The following ZNF330 variants were observed in gnomAD, a reference collection of about 807,000 sequenced individuals.
The protein encoded by ZNF330 is nucleolar atypical zinc finger, also known as zinc finger protein 330.
A neutral mutation model predicts 45.5 loss-of-function variants in ZNF330; 31 were observed. That is an observed-to-expected ratio of 0.68 (90% CI 0.51 to 0.92). ZNF330 has a LOEUF of 0.92. Among genes scored for constraint, ZNF330 ranks in the 40% least tolerant of loss-of-function variants. ZNF330 has a pLI of 0.00. For missense variants in ZNF330, 356 were observed against 387.4 expected (o/e 0.92, Z 0.68); for synonymous variants, 138 against 123.2 (o/e 1.12, Z -0.79).
Position 141,234,286 on chromosome 4 carries a change from C to G in ZNF330, c.*297C>G, listed in dbSNP as rs1008630105. The G allele has an allele frequency of 4.0e-6, 1 of 248,120 alleles. No individual in the cohort carries two copies. Among genetic ancestry groups the G allele is most frequent in the Admixed American group, 5.2e-5 (1 of 19,296 alleles). The allele number at this position is 248,120 out of a possible 1,614,324, so 15.4% of individuals were successfully genotyped here. A position where few individuals can be genotyped will look rare whatever the true frequency, so the allele number is the denominator to read the frequency against. On this transcript the variant is annotated 3_prime_UTR_variant, in exon 10 of 10. Coordinates refer to ENST00000262990, the MANE Select transcript of ZNF330 (RefSeq NM_014487.6). Reference sequence around the variant, plus strand: ...GTTTTGCCAATTAGATACATATATACAAGATAAAGGAATAGGATGGTAATA... The same window carrying G: ...GTTTTGCCAATTAGATACATATATAGAAGATAAAGGAATAGGATGGTAATA...
chr4:141,224,705 G>A (rs1440278548), intron 4 of ZNF330, 28 bp downstream of exon 4: 13 of 1,593,674 alleles, frequency 8.2e-6, no homozygotes, highest in African/African-American at 2.7e-5. Flanking sequence ...AAGGACATAT[G>A]CTTTTTATCA....
Position 141,234,029 on chromosome 4 carries a change from T to C in ZNF330, c.*40T>C, listed in dbSNP as rs747124578. 6.4e-7 allele frequency: 1 copy of C among 1,572,168 alleles called. No homozygotes were observed. Among genetic ancestry groups the C allele is most frequent in the African/African-American group, 1.4e-5 (1 of 73,632 alleles). ...TGGCCGTGTGTGAGAGGAGCAGGAG[T>C]GAGTGTGTGTGCTTGATGAATTGTG... On this transcript the variant is annotated 3_prime_UTR_variant, in exon 10 of 10. Transcript: ENST00000262990.
chr4:141,232,476 A>G (rs1197737250), intron 8 of ZNF330, 49 bp from the exon 9 acceptor site: 8 of 1,041,172 alleles, frequency 7.7e-6, no homozygotes, highest in East Asian at 6.1e-5. Flanking sequence ...GTCTTTTTGT[A>G]TATTTTTACA....
intron 6 of ZNF330, 21 bp downstream of exon 6, chr4:141,229,718 A>G (rs1728904252): frequency 6.2e-7 from 1 of 1,612,352 alleles, no homozygotes; most frequent in Admixed American, 1.7e-5. Flanking sequence ...AGACACAAGT[A>G]ATGAGCTTTG....
At position 141,234,121 on chromosome 4, in the gene ZNF330, A is replaced by G. The variant is rs1729027086; in HGVS notation, c.*132A>G. 5 of 1,441,810 alleles carry G rather than the reference A, an allele frequency of 3.5e-6. No homozygotes were observed. Among genetic ancestry groups the G allele is most frequent in the Non-Finnish European group, 4.5e-6 (5 of 1,101,414 alleles). The allele number at this position is 1,441,810 out of a possible 1,614,324, so 89.3% of individuals were successfully genotyped here. A position where few individuals can be genotyped will look rare whatever the true frequency, so the allele number is the denominator to read the frequency against. ...GAAGACTAGTTACACTTAATGGGCC[A>G]AGCAATAGGGTGTAGCGTTTTTATA... On this transcript the variant is annotated 3_prime_UTR_variant, in exon 10 of 10. Coordinates refer to ENST00000262990, the MANE Select transcript of ZNF330 (RefSeq NM_014487.6).
chr4:141,228,334 T>G (rs1435674019), intron 5 of ZNF330, among the ~76,000 whole-genome samples: 1 of 152,046 alleles, frequency 6.6e-6, no homozygotes, highest in African/African-American at 2.4e-5. Context: ...TTAAGTAGAG[T>G]CATATATCTT....
Position 141,229,711 on chromosome 4 carries a change from C to T in ZNF330, c.418+14C>T, listed in dbSNP as rs748239481. 1.2e-6 allele frequency: 2 copies of T among 1,612,636 alleles called. No homozygotes were observed. The highest frequency in any genetic ancestry group is 2.2e-5 in the South Asian group (2 of 91,022). ...TGTGGGACCATGGTGAGTCATTAGA[C>T]ACAAGTAATGAGCTTTGTTATAGGT... On this transcript the variant is annotated intron_variant, in intron 6 of 9. Transcript: ENST00000262990.
At chr4:141,231,562 C>T in intron 8 of ZNF330, 77 bp downstream of exon 8, 1 of 1,035,842 alleles carries the variant, frequency 9.7e-7, no homozygotes, top group Non-Finnish European at 1.4e-6. Context: ...GGCTTATATG[C>T]AGCTATAATT....
intron 8 of ZNF330, 95 bp from the exon 9 acceptor site, chr4:141,232,430 C>A: frequency 1.7e-6 from 1 of 587,240 alleles, no homozygotes; most frequent in Non-Finnish European, 2.6e-6. Flanking sequence ...AATCTCACTG[C>A]CTTAATAAAG....
chr4:141,232,623 T>A lies in ZNF330; in HGVS notation c.669T>A (p.Thr223=), dbSNP rs1243490023. The A allele has an allele frequency of 6.3e-7, 1 of 1,579,912 alleles. No individual in the cohort carries two copies. Among genetic ancestry groups the A allele is most frequent in the East Asian group, 2.3e-5 (1 of 43,452 alleles). Residue 223 remains threonine (T), a synonymous_variant, in exon 9 of 10, where the codon ACT becomes ACA. Coordinates refer to ENST00000262990, the MANE Select transcript of ZNF330 (RefSeq NM_014487.6). ...CPKCGHETQE[T]KDLSMSTRSL... ...AATGTGGGCATGAAACTCAGGAGAC[T>A]AAGGACCTTAGCATGTCAAGTAAGG...
intron 7 of ZNF330, among the ~76,000 whole-genome samples, chr4:141,230,718 A>G (rs1728929903): frequency 1.3e-5 from 2 of 152,240 alleles, no homozygotes; most frequent in Non-Finnish European, 1.5e-5. Flanking sequence ...GGTTTTAAAA[A>G]TAATGTAGAT....
At chr4:141,230,756 T>C (rs1728931014) in intron 7 of ZNF330, among the ~76,000 whole-genome samples, 1 of 152,110 alleles carries the variant, frequency 6.6e-6, no homozygotes, top group Non-Finnish European at 1.5e-5. Flanking sequence ...GGAGATTCTA[T>C]CTTTTAAGTC....
intron 7 of ZNF330, among the ~76,000 whole-genome samples, chr4:141,231,103 C>A (rs1284563847): frequency 6.6e-6 from 1 of 151,990 alleles, no homozygotes; most frequent in Non-Finnish European, 1.5e-5. Flanking sequence ...GATATACATA[C>A]AACATACATA....
rs1728989466 is a variant in ZNF330 at position 141,232,731 on chromosome 4, T to C, written c.688+89T>C. 6.5e-6 allele frequency: 4 copies of C among 618,012 alleles called. No homozygotes were observed. In the Admixed American group the frequency reaches 1.0e-4, roughly 16 times the overall value. 38.3% of individuals were successfully genotyped at this position (618,012 alleles called of 1,614,324 possible). ...TTTTTTTTTGGTCTATTTTTCTTAT[T>C]GCCTCTTCTTATTTGAAAAGATGAA... On this transcript the variant is annotated intron_variant, in intron 9 of 9. Coordinates refer to ENST00000262990, the MANE Select transcript of ZNF330 (RefSeq NM_014487.6).
At chr4:141,229,479 A>G in intron 5 of ZNF330, 92 bp from the exon 6 acceptor site, 3 of 1,516,234 alleles carry the variant, frequency 2.0e-6, no homozygotes, top group Non-Finnish European at 2.7e-6. Flanking sequence ...ATAAATTGCT[A>G]AATGTATACA....
At chr4:141,225,795 G>T (rs1728789542) in intron 4 of ZNF330, among the ~76,000 whole-genome samples, 1 of 152,048 alleles carries the variant, frequency 6.6e-6, no homozygotes, top group Non-Finnish European at 1.5e-5. Flanking sequence ...AACAGAGTTT[G>T]TGGAAGATTA....
At position 141,234,091 on chromosome 4, in the gene ZNF330, G is replaced by A; in HGVS notation, c.*102G>A. On this transcript the variant is annotated 3_prime_UTR_variant, in exon 10 of 10. Coordinates refer to ENST00000262990, the MANE Select transcript of ZNF330 (RefSeq NM_014487.6). The stretch of plus-strand genomic sequence containing the variant: ...AAAAGTACCTTAGCCACTTAGCCTT[G>A]TGCAGAAGACTAGTTACACTTAATG... The A allele has an allele frequency of 6.7e-7, 1 of 1,491,480 alleles. No homozygotes were observed. The highest frequency in any genetic ancestry group is 8.9e-7 in the Non-Finnish European group (1 of 1,127,580). The allele number at this position is 1,491,480 out of a possible 1,614,324, so 92.4% of individuals were successfully genotyped here.
At chr4:141,221,870 G>A (rs868034870) in intron 1 of ZNF330, among the ~76,000 whole-genome samples, 15 of 152,132 alleles carry the variant, frequency 9.9e-5, no homozygotes, top group Admixed American at 6.5e-5. Flanking sequence ...TTTGTTGACT[G>A]TTAGATGTTT....
chr4:141,233,646 T>G (rs548233644), intron 9 of ZNF330, 69 bp from the exon 10 acceptor site: 67 of 1,482,338 alleles, frequency 4.5e-5, no homozygotes, highest in Middle Eastern at 2.4e-4. Flanking sequence ...CATGAAATTT[T>G]ATAGAGGAAG....
Sources: allele counts gnomAD v4.1 joint callset (sites outside exome capture counted in the v4.1 genomes callset), GRCh38; gene constraint gnomAD v4.1.1; transcripts MANE v1.5; gene names NCBI Gene and HGNC (gene_info 2026-07-23, HGNC 2026-07-21).